The following EFR3A variants were observed in gnomAD, a reference collection of about 807,000 sequenced individuals.
EFR3A encodes EFR3 homolog A, also known as protein EFR3 homolog A.
In EFR3A, 76 loss-of-function variants were observed where a neutral mutation model predicts 104.4. The ratio of observed to expected loss-of-function variants is 0.73; its 90% confidence interval spans 0.60 to 0.88. EFR3A has a LOEUF of 0.88. Among genes scored for constraint, EFR3A ranks in the 40% least tolerant of loss-of-function variants. The probability of loss-of-function intolerance (pLI) is 0.00; values close to 1 mark genes in which losing one functional copy is unlikely to be tolerated. For missense variants in EFR3A, 985 were observed against 1,012.5 expected (o/e 0.97, Z 0.37); for synonymous variants, 330 against 330.0 (o/e 1.00, Z 0.00).
At chr8:131,946,769 A>T (rs966865643) in intron 4 of EFR3A, 136 bp downstream of exon 4, 64 of 797,684 alleles carry the variant, frequency 8.0e-5, no homozygotes, top group South Asian at 1.4e-4. Flanking sequence ...AATTAAGATA[A>T]TTAGAATACT....
chr8:131,946,208 A>C (rs1360131411), intron 3 of EFR3A, among the ~76,000 whole-genome samples: 1 of 152,072 alleles, frequency 6.6e-6, no homozygotes, highest in Non-Finnish European at 1.5e-5. Context: ...TTTACAAAGA[A>C]AAATATACAC....
intron 1 of EFR3A, among the ~76,000 whole-genome samples, chr8:131,906,011 A>G (rs1421156484): frequency 6.6e-6 from 1 of 152,244 alleles, no homozygotes; most frequent in Non-Finnish European, 1.5e-5. Flanking sequence ...TGCAGATTTC[A>G]CACCCTGACT....
At chr8:131,914,497 C>G (rs1816659301) in intron 1 of EFR3A, among the ~76,000 whole-genome samples, 1 of 152,104 alleles carries the variant, frequency 6.6e-6, no homozygotes, top group Non-Finnish European at 1.5e-5. Context: ...GAGGGTGGCC[C>G]AAGGGAAGCT....
chr8:131,990,440 A>G (rs1821115158), intron 18 of EFR3A, among the ~76,000 whole-genome samples: 1 of 152,194 alleles, frequency 6.6e-6, no homozygotes, highest in Non-Finnish European at 1.5e-5. Flanking sequence ...ACTGTGCTTC[A>G]TATGGTAGTA....
At chr8:131,912,569 C>G (rs1816559198) in intron 1 of EFR3A, among the ~76,000 whole-genome samples, 1 of 152,098 alleles carries the variant, frequency 6.6e-6, no homozygotes, top group Admixed American at 6.5e-5. Context: ...AAATCTTAAA[C>G]CACTGACACA....
intron 14 of EFR3A, among the ~76,000 whole-genome samples, chr8:131,983,309 A>G (rs1376022851): frequency 6.6e-6 from 1 of 152,082 alleles, no homozygotes. Context: ...GACCAGTTAC[A>G]TCATATTGGA....
At chr8:131,985,574 A>G (rs1444767665) in intron 16 of EFR3A, among the ~76,000 whole-genome samples, 2 of 152,196 alleles carry the variant, frequency 1.3e-5, no homozygotes, top group Non-Finnish European at 2.9e-5. Flanking sequence ...GAAAAAGTCC[A>G]CTTTTAAAGA....
intron 1 of EFR3A, among the ~76,000 whole-genome samples, chr8:131,908,099 C>T (rs1315364723): frequency 1.3e-4 from 19 of 151,034 alleles, no homozygotes; most frequent in Non-Finnish European, 1.0e-4. Flanking sequence ...CTCGCTCTGT[C>T]GCCCAGGCTG....
At chr8:131,960,479 G>A (rs1044203073) in intron 8 of EFR3A, among the ~76,000 whole-genome samples, 1 of 152,096 alleles carries the variant, frequency 6.6e-6, no homozygotes, top group Admixed American at 6.6e-5. Flanking sequence ...ATTGTTTTAT[G>A]ACAGGGTTTG....
At chr8:131,927,254 AG>A (rs564459956) in intron 1 of EFR3A, among the ~76,000 whole-genome samples, 18 of 152,218 alleles carry the variant, frequency 1.2e-4, no homozygotes, top group Non-Finnish European at 2.1e-4. Flanking sequence ...AGCTGAAGAC[AG>A]GGACAACATG....
Position 131,984,931 on chromosome 8 carries a change from C to G in EFR3A, c.1740C>G (p.Asp580Glu), listed in dbSNP as rs765404076. ...DLIRLAIALQ[D>E]SAIINEDNLP... ...GATGTGTTTGTTTCTTATTAAAGGACAGTGCAATTATCAATGAGGATAATT... is the reference window on the plus strand; with the variant it reads ...GATGTGTTTGTTTCTTATTAAAGGAGAGTGCAATTATCAATGAGGATAATT... Residue 580 changes from aspartate to glutamate, a missense_variant and splice_region_variant, in exon 16 of 23, where the codon GAC (aspartate) becomes GAG (glutamate). By Grantham distance (45) the Asp-to-Glu change is conservative. Transcript: ENST00000254624. 2.1e-5 allele frequency: 34 copies of G among 1,612,742 alleles called. No homozygotes were observed. Among genetic ancestry groups the G allele is most frequent in the South Asian group, 7.7e-5 (7 of 90,980 alleles).
chr8:131,963,412 A>G (rs1172997854), intron 8 of EFR3A, among the ~76,000 whole-genome samples: 1 of 152,214 alleles, frequency 6.6e-6, no homozygotes, highest in Non-Finnish European at 1.5e-5. Flanking sequence ...CCACAGAAAT[A>G]CAAACTACCA....
chr8:131,943,781 A>T (rs962865413), intron 2 of EFR3A, among the ~76,000 whole-genome samples: 1 of 151,984 alleles, frequency 6.6e-6, no homozygotes, highest in Non-Finnish European at 1.5e-5. Flanking sequence ...CCTGGTTAAG[A>T]TCTACTGGCC....
At chr8:131,924,783 C>A (rs1259685951) in intron 1 of EFR3A, among the ~76,000 whole-genome samples, 2 of 152,074 alleles carry the variant, frequency 1.3e-5, no homozygotes, top group African/African-American at 4.8e-5. Context: ...CTACTCATTT[C>A]GTGTTCATGC....
chr8:132,008,393 T>C (rs1041078791), intron 22 of EFR3A, among the ~76,000 whole-genome samples: 4 of 152,050 alleles, frequency 2.6e-5, no homozygotes, highest in Admixed American at 6.6e-5. Flanking sequence ...CAGAAAGATA[T>C]ATGTGAATGT....
At chr8:131,997,767 T>C (rs1305752786) in intron 19 of EFR3A, among the ~76,000 whole-genome samples, 1 of 152,062 alleles carries the variant, frequency 6.6e-6, no homozygotes, top group Non-Finnish European at 1.5e-5. Context: ...AACTTAATTT[T>C]GTTAAGGGGA....
chr8:131,916,143 A>G (rs1020528729), intron 1 of EFR3A, among the ~76,000 whole-genome samples: 36 of 152,318 alleles, frequency 2.4e-4, no homozygotes, highest in African/African-American at 8.2e-4. Context: ...TATAGAGTGA[A>G]TCAAAGAAAT....
Position 131,949,978 on chromosome 8 carries a change from T to C in EFR3A, c.376T>C (p.Phe126Leu). Reference sequence around the variant, plus strand: ...TATTTGTGTTTTTTAGTTTGTCAAATTTGCAAATATTGAAGAAGACACACC... The same window carrying C: ...TATTTGTGTTTTTTAGTTTGTCAAACTTGCAAATATTGAAGAAGACACACC... ...QVLGTNSFVK[F>L]ANIEEDTPSY... The change falls in exon 5 of 23, where the codon TTT becomes CTT. Residue 126 changes from phenylalanine (F) to leucine (L), a missense_variant. Transcript: ENST00000254624. 1 of 1,592,298 alleles carries C rather than the reference T, an allele frequency of 6.3e-7. No individual in the cohort carries two copies. The highest frequency in any genetic ancestry group is 8.5e-7 in the Non-Finnish European group (1 of 1,172,106).
intron 12 of EFR3A, 111 bp downstream of exon 12, chr8:131,977,203 G>T: frequency 1.4e-6 from 1 of 710,254 alleles, no homozygotes; most frequent in South Asian, 2.6e-5. Flanking sequence ...ACTGTTTATG[G>T]TTAGTATTTT....
Sources: allele counts gnomAD v4.1 joint callset (sites outside exome capture counted in the v4.1 genomes callset), GRCh38; gene constraint gnomAD v4.1.1; transcripts MANE v1.5; gene names NCBI Gene and HGNC (gene_info 2026-07-23, HGNC 2026-07-21).